The following PMS1 variants were observed in gnomAD, a reference collection of about 807,000 sequenced individuals.
The protein encoded by PMS1 is PMS1 homolog 1, mismatch repair system component.
A neutral mutation model predicts 93.1 loss-of-function variants in PMS1; 79 were observed. The observed-to-expected ratio is 0.85, with a 90% CI of 0.71 to 1.02. PMS1 has a LOEUF of 1.02. Among genes scored for constraint, PMS1 ranks in the 50% least tolerant of loss-of-function variants. The pLI is 0.00. For synonymous variants in PMS1, 335 were observed against 363.4 expected (o/e 0.92, Z 0.89); for missense variants, 1,064 against 1,085.3 (o/e 0.98, Z 0.28).
intron 5 of PMS1, among the ~76,000 whole-genome samples, chr2:189,821,119 T>C (rs2051817325): frequency 6.6e-6 from 1 of 151,652 alleles, no homozygotes; most frequent in African/African-American, 2.4e-5. Flanking sequence ...GAAAAATAGA[T>C]GAAAAAGGTA....
chr2:189,819,424 A>G (rs2051625882), intron 5 of PMS1, among the ~76,000 whole-genome samples: 1 of 152,214 alleles, frequency 6.6e-6, no homozygotes. Context: ...GTCAAATAGT[A>G]GCTCTATTTT....
chr2:189,833,257 T>C (rs930501426), intron 5 of PMS1, among the ~76,000 whole-genome samples: 2 of 152,144 alleles, frequency 1.3e-5, no homozygotes, highest in African/African-American at 2.4e-5. Context: ...AGAAACAAAA[T>C]TTGCTTTCCA....
chr2:189,813,320 G>A (rs2051003793), intron 4 of PMS1, among the ~76,000 whole-genome samples: 1 of 152,300 alleles, frequency 6.6e-6, no homozygotes. Context: ...GAGTGTGGTC[G>A]ATTTCATATA....
chr2:189,788,059 T>TAA (rs11315354), intron 1 of PMS1, among the ~76,000 whole-genome samples: 3 of 148,934 alleles, frequency 2.0e-5, no homozygotes, highest in African/African-American at 7.4e-5. Context: ...TATAGAGATT[T>TAA]AAAAAAAAAA....
At chr2:189,823,477 A>G (rs1167829006) in intron 5 of PMS1, among the ~76,000 whole-genome samples, 2 of 151,448 alleles carry the variant, frequency 1.3e-5, no homozygotes, top group East Asian at 3.9e-4. Flanking sequence ...CCTGTGTCCA[A>G]GTGTTTTCAT....
rs538991956 is a variant in PMS1 at position 189,830,245 on chromosome 2, C to T, written c.582+12065C>T. Among the ~76,000 whole-genome samples the T allele has an allele frequency of 2.2e-4, 33 of 152,290 alleles. No individual in the cohort carries two copies. In the South Asian group the frequency reaches 6.4e-3, roughly 30 times the overall value. ...CCATGGGCTGTAGTTTGCTGACCTCCGTAGATCTGATGCCTCCTTTACCTC... is the reference window on the plus strand; with the variant it reads ...CCATGGGCTGTAGTTTGCTGACCTCTGTAGATCTGATGCCTCCTTTACCTC... On this transcript the variant is annotated intron_variant, in intron 5 of 12. Transcript: ENST00000441310.
chr2:189,857,406 G>A (rs1254446738), intron 9 of PMS1: 1 of 453,888 alleles, frequency 2.2e-6, no homozygotes, highest in East Asian at 7.0e-5. Flanking sequence ...TAGTGAGAAG[G>A]TAGAGCAAAA....
At chr2:189,862,719 C>T (rs1038283040) in intron 9 of PMS1, among the ~76,000 whole-genome samples, 3 of 152,054 alleles carry the variant, frequency 2.0e-5, no homozygotes, top group Admixed American at 2.0e-4. Context: ...GTTCTTGGAC[C>T]CAGGGCAACT....
At chr2:189,850,444 A>G (rs1408300950) in intron 6 of PMS1, among the ~76,000 whole-genome samples, 1 of 152,182 alleles carries the variant, frequency 6.6e-6, no homozygotes, top group Non-Finnish European at 1.5e-5. Flanking sequence ...CAAGTTTTGA[A>G]TGTGGTGAGA....
At chr2:189,804,424 A>G (rs779017448) in intron 3 of PMS1, among the ~76,000 whole-genome samples, 1 of 152,194 alleles carries the variant, frequency 6.6e-6, no homozygotes, top group Non-Finnish European at 1.5e-5. Flanking sequence ...AGTACTCAGA[A>G]ACTCCCAACT....
At chr2:189,786,223 TAAG>T (rs1483469926) in intron 1 of PMS1, among the ~76,000 whole-genome samples, 3 of 152,272 alleles carry the variant, frequency 2.0e-5, no homozygotes, top group African/African-American at 7.2e-5. Context: ...ATCCAGTTGT[TAAG>T]AAGTTTGTAC....
intron 5 of PMS1, among the ~76,000 whole-genome samples, chr2:189,818,385 C>A (rs539438178): frequency 1.3e-5 from 2 of 152,224 alleles, no homozygotes; most frequent in Admixed American, 6.5e-5. Context: ...TAAAGGAGAC[C>A]TCAGAGGGCT....
chr2:189,803,411 A>G (rs1244665020), intron 3 of PMS1, among the ~76,000 whole-genome samples: 2 of 152,218 alleles, frequency 1.3e-5, no homozygotes, highest in Non-Finnish European at 2.9e-5. Flanking sequence ...GATAACTAAT[A>G]TAGCCTCCAA....
chr2:189,810,050 A>G (rs2050700764), intron 4 of PMS1, among the ~76,000 whole-genome samples: 1 of 152,128 alleles, frequency 6.6e-6, no homozygotes, highest in East Asian at 1.9e-4. Flanking sequence ...TATATTTGTC[A>G]TCTAGGAACT....
chr2:189,798,474 G>A (rs530530586), intron 3 of PMS1, among the ~76,000 whole-genome samples: 10 of 152,308 alleles, frequency 6.6e-5, no homozygotes, highest in African/African-American at 2.4e-4. Context: ...CTAGCACACT[G>A]TGTACTTCTC....
At chr2:189,851,628 A>G (rs965483613) in intron 6 of PMS1, among the ~76,000 whole-genome samples, 6 of 152,158 alleles carry the variant, frequency 3.9e-5, no homozygotes, top group African/African-American at 1.4e-4. Context: ...GGTGGCTTAC[A>G]GGCTATGTTA....
chr2:189,849,479 G>A (rs1365528883), intron 6 of PMS1, among the ~76,000 whole-genome samples: 1 of 151,868 alleles, frequency 6.6e-6, no homozygotes, highest in Non-Finnish European at 1.5e-5. Context: ...TAAGAAGCAT[G>A]TTACATATAC....
chr2:189,852,805 T>G, intron 7 of PMS1, 28 bp downstream of exon 7: 1 of 1,447,644 alleles, frequency 6.9e-7, no homozygotes, highest in Non-Finnish European at 9.7e-7. Context: ...AAAAAAATTA[T>G]TTGAATTGGA....
chr2:189,793,548 C>T (rs2049081346), intron 2 of PMS1, among the ~76,000 whole-genome samples: 1 of 152,124 alleles, frequency 6.6e-6, no homozygotes, highest in Non-Finnish European at 1.5e-5. Context: ...TCAGTTCAGT[C>T]TGATTAGAGT....
Sources: gnomAD v4.1 joint callset for allele counts (sites outside exome capture counted in the v4.1 genomes callset) on GRCh38, gnomAD v4.1.1 for gene constraint, MANE v1.5 for transcripts, NCBI Gene and HGNC (gene_info 2026-07-23, HGNC 2026-07-21) for gene names.